Variants in CDKAL1 observed in about 807,000 individuals in gnomAD.
CDKAL1 encodes the protein threonylcarbamoyladenosine tRNA methylthiotransferase.
In CDKAL1, 32 loss-of-function variants were observed where a neutral mutation model predicts 68.2. That is an observed-to-expected ratio of 0.47 (90% CI 0.35 to 0.63). The LOEUF is 0.63. Among genes scored for constraint, CDKAL1 ranks in the 30% least tolerant of loss-of-function variants. The probability of loss-of-function intolerance (pLI) is 0.00; values close to 1 mark genes in which losing one functional copy is unlikely to be tolerated. For synonymous variants in CDKAL1, 234 were observed against 244.3 expected (o/e 0.96, Z 0.39); for missense variants, 606 against 696.7 (o/e 0.87, Z 1.47).
At chr6:20,604,190 A>C (rs765947930) in intron 4 of CDKAL1, among the ~76,000 whole-genome samples, 2 of 152,134 alleles carry the variant, frequency 1.3e-5, no homozygotes, top group Non-Finnish European at 2.9e-5. Context: ...ATTCACCCAC[A>C]TTAGGGCTTG....
chr6:21,043,739 A>G (rs201317), intron 11 of CDKAL1, among the ~76,000 whole-genome samples: 25,144 of 152,216 alleles, frequency 0.17, 2,273 homozygotes, highest in Middle Eastern at 0.23. Context: ...AAGTATCGTC[A>G]TGGAATTAAA....
intron 13 of CDKAL1, among the ~76,000 whole-genome samples, chr6:21,183,251 G>A (rs1156665439): frequency 6.6e-6 from 1 of 151,174 alleles, no homozygotes; most frequent in Non-Finnish European, 1.5e-5. Context: ...AATATGTTTA[G>A]TCTTACATTT....
intron 11 of CDKAL1, among the ~76,000 whole-genome samples, chr6:21,049,773 G>GAC (rs1770439701): frequency 6.6e-6 from 1 of 150,908 alleles, no homozygotes; most frequent in Admixed American, 6.6e-5. Flanking sequence ...TGTAATGGAT[G>GAC]ACACTAAATT....
At chr6:20,890,164 C>A (rs1277542008) in intron 9 of CDKAL1, among the ~76,000 whole-genome samples, 1 of 152,162 alleles carries the variant, frequency 6.6e-6, no homozygotes, top group Non-Finnish European at 1.5e-5. Context: ...TGACAAAACA[C>A]CTGTATGTTT....
At chr6:20,990,112 A>C (rs898538981) in intron 10 of CDKAL1, among the ~76,000 whole-genome samples, 7 of 152,076 alleles carry the variant, frequency 4.6e-5, no homozygotes, top group African/African-American at 1.4e-4. Flanking sequence ...GCGTGGTGGC[A>C]CGTGCCTGTA....
intron 5 of CDKAL1, among the ~76,000 whole-genome samples, chr6:20,701,317 T>TA (rs1180915637): frequency 4.0e-5 from 6 of 151,670 alleles, no homozygotes; most frequent in Admixed American, 6.6e-5. Context: ...TTTCACATTT[T>TA]AAAAAATCTG....
At chr6:20,837,744 T>TATTATAATAATAATAATA (rs371080778) in intron 8 of CDKAL1, among the ~76,000 whole-genome samples, 1 of 148,006 alleles carries the variant, frequency 6.8e-6, no homozygotes, top group African/African-American at 2.5e-5. Flanking sequence ...CACTTCAGCA[T>TATTATAATAATAATAATA]ATAATAATAA....
intron 10 of CDKAL1, among the ~76,000 whole-genome samples, chr6:20,985,377 T>TCGGCTCA (rs1377678338): frequency 5.3e-5 from 8 of 152,184 alleles, no homozygotes; most frequent in Admixed American, 5.2e-4. Flanking sequence ...CACTGCAACC[T>TCGGCTCA]CTGCCTCCCA....
intron 10 of CDKAL1, among the ~76,000 whole-genome samples, chr6:20,987,065 A>G (rs531032934): frequency 9.9e-5 from 15 of 152,218 alleles, no homozygotes; most frequent in Non-Finnish European, 1.8e-4. Flanking sequence ...GTGTAAGCTG[A>G]TTTGTCTATA....
At chr6:20,944,510 T>A (rs2150704247) in intron 9 of CDKAL1, among the ~76,000 whole-genome samples, 1 of 152,208 alleles carries the variant, frequency 6.6e-6, no homozygotes, top group African/African-American at 2.4e-5. Context: ...CCATGCTGTG[T>A]TAATTTTTGT....
Position 20,692,352 on chromosome 6 carries a change from T to C in CDKAL1, c.371+42975T>C, listed in dbSNP as rs559898026. On this transcript the variant is annotated intron_variant, in intron 5 of 15. Transcript: ENST00000274695. Reference sequence around the variant, plus strand: ...AATTTTATAACTGTTTTAGTCAGCTTTCTGTTGGGAGCTCCAAACATCATA... The same window carrying C: ...AATTTTATAACTGTTTTAGTCAGCTCTCTGTTGGGAGCTCCAAACATCATA... 5.0e-4 allele frequency among the ~76,000 whole-genome samples: 76 copies of C among 152,338 alleles called. 1 individual carries two copies. Among genetic ancestry groups the C allele is most frequent in the African/African-American group, 1.7e-3 (69 of 41,592 alleles).
At chr6:21,110,004 A>G (rs922163224) in intron 13 of CDKAL1, among the ~76,000 whole-genome samples, 24 of 152,198 alleles carry the variant, frequency 1.6e-4, no homozygotes, top group Non-Finnish European at 2.9e-5. Context: ...GTGGCATTGT[A>G]TCAAAGTCAC....
At chr6:20,938,035 A>AGTAATTAAT (rs975981514) in intron 9 of CDKAL1, among the ~76,000 whole-genome samples, 3 of 152,254 alleles carry the variant, frequency 2.0e-5, no homozygotes, top group African/African-American at 7.2e-5. Context: ...TTTTACATTC[A>AGTAATTAAT]GTAATTAAAA....
intron 9 of CDKAL1, among the ~76,000 whole-genome samples, chr6:20,895,564 A>T (rs999471558): frequency 6.6e-6 from 1 of 152,218 alleles, no homozygotes; most frequent in Non-Finnish European, 1.5e-5. Context: ...TTTGTAGGAA[A>T]GATGGACATG....
chr6:21,130,601 A>G (rs1433781501), intron 13 of CDKAL1, among the ~76,000 whole-genome samples: 1 of 151,984 alleles, frequency 6.6e-6, no homozygotes, highest in Admixed American at 6.6e-5. Context: ...TTGATTGGAG[A>G]CCCCCATACA....
intron 11 of CDKAL1, among the ~76,000 whole-genome samples, chr6:21,007,432 G>A (rs546546143): frequency 4.5e-5 from 6 of 132,190 alleles, no homozygotes; most frequent in East Asian, 2.2e-4. Flanking sequence ...ACCATGAGCC[G>A]AGATCACACC....
intron 8 of CDKAL1, among the ~76,000 whole-genome samples, chr6:20,790,221 A>G (rs749358562): frequency 2.6e-5 from 4 of 152,340 alleles, no homozygotes; most frequent in African/African-American, 4.8e-5. Context: ...ACAAAACAAT[A>G]AAGTTATAAG....
chr6:20,995,243 C>T (rs1767039335), intron 10 of CDKAL1, among the ~76,000 whole-genome samples: 1 of 152,176 alleles, frequency 6.6e-6, no homozygotes, highest in Non-Finnish European at 1.5e-5. Flanking sequence ...AAATCAATGT[C>T]TTCCAAACTC....
At chr6:21,056,089 T>C (rs559033105) in intron 11 of CDKAL1, among the ~76,000 whole-genome samples, 1 of 152,316 alleles carries the variant, frequency 6.6e-6, no homozygotes, top group South Asian at 2.1e-4. Flanking sequence ...TGGTATGTCA[T>C]TGTGGTTTTG....
Sources: gnomAD v4.1 joint callset for allele counts (sites outside exome capture counted in the v4.1 genomes callset) on GRCh38, gnomAD v4.1.1 for gene constraint, MANE v1.5 for transcripts, NCBI Gene and HGNC (gene_info 2026-07-23, HGNC 2026-07-21) for gene names.